Variants in CSMD2 observed in about 807,000 individuals in gnomAD.
CSMD2 encodes the protein CUB and Sushi multiple domains 2.
A neutral mutation model predicts 398.5 loss-of-function variants in CSMD2; 130 were observed. The observed-to-expected ratio is 0.33, with a 90% confidence interval of 0.28 to 0.38. The LOEUF (loss-of-function observed/expected upper bound fraction) is 0.38. Among genes scored for constraint, CSMD2 ranks in the 10% least tolerant of loss-of-function variants. CSMD2 has a pLI of 1.00. For missense variants in CSMD2, 3,829 were observed against 4,764.9 expected (o/e 0.80, Z 5.78); for synonymous variants, 1,828 against 1,908.5 (o/e 0.96, Z 1.10).
rs994113582 is a variant in CSMD2 at position 33,519,003 on chromosome 1, G to C, written c.*53+462C>G. On this transcript the variant is annotated intron_variant, in intron 70 of 70. Transcript: ENST00000373381. This position sits in a 1 kb window ranked among gnomAD's most constrained non-coding sequence, Gnocchi z 5.6. Reference sequence around the variant, plus strand: ...TATACACAGATATATGTGCATCTCTGTATAGCTCTACAGATCTCCAGGGCT... The same window carrying C: ...TATACACAGATATATGTGCATCTCTCTATAGCTCTACAGATCTCCAGGGCT... Among the ~76,000 whole-genome samples the C allele has an allele frequency of 2.6e-5, 4 of 151,998 alleles. No homozygotes were observed. Among genetic ancestry groups the C allele is most frequent in the Admixed American group, 1.3e-4 (2 of 15,266 alleles).
chr1:33,961,061 G>A (rs781362208), intron 3 of CSMD2, among the ~76,000 whole-genome samples: 27 of 152,178 alleles, frequency 1.8e-4, no homozygotes, highest in Middle Eastern at 3.2e-3. Flanking sequence ...CCATCAATGC[G>A]CTACAGCGCA....
At chr1:33,902,819 G>C (rs1386674503) in intron 5 of CSMD2, among the ~76,000 whole-genome samples, 1 of 152,182 alleles carries the variant, frequency 6.6e-6, no homozygotes, top group South Asian at 2.1e-4. Context: ...AGAGTGGGAA[G>C]CCTGTTCATC....
intron 15 of CSMD2, among the ~76,000 whole-genome samples, chr1:33,727,197 G>A: frequency 6.6e-6 from 1 of 152,214 alleles, no homozygotes; most frequent in East Asian, 1.9e-4. Context: ...ATTGAGCATG[G>A]TGCTTGGCAC....
intron 5 of CSMD2, among the ~76,000 whole-genome samples, chr1:33,908,716 T>G (rs60395894): frequency 1.3e-5 from 2 of 152,254 alleles, no homozygotes; most frequent in African/African-American, 4.8e-5. Flanking sequence ...GGAAGTCACA[T>G]TGATACTCCA....
intron 1 of CSMD2, among the ~76,000 whole-genome samples, chr1:34,104,838 T>C (rs773847970): frequency 7.2e-5 from 11 of 152,200 alleles, no homozygotes; most frequent in Non-Finnish European, 1.3e-4. Context: ...TCATTAGGGA[T>C]GCTGGCACTG....
chr1:33,638,402 C>G (rs946826632), intron 29 of CSMD2, among the ~76,000 whole-genome samples: 2 of 152,222 alleles, frequency 1.3e-5, no homozygotes, highest in African/African-American at 4.8e-5. Context: ...AAAGTTCACA[C>G]AGCTCATAAG....
At chr1:33,785,502 C>A (rs1310584114) in intron 12 of CSMD2, among the ~76,000 whole-genome samples, 1 of 152,220 alleles carries the variant, frequency 6.6e-6, no homozygotes, top group Admixed American at 6.5e-5. Flanking sequence ...CCCTCTGAGT[C>A]TCAGATTCTT....
chr1:33,698,972 G>A (rs1339453537), intron 23 of CSMD2, 28 bp from the exon 24 acceptor site: 1 of 1,585,972 alleles, frequency 6.3e-7, no homozygotes. Flanking sequence ...GGTAGAGTGA[G>A]TAAGACCTAT....
chr1:33,696,939 T>A (rs1414130231), intron 24 of CSMD2, among the ~76,000 whole-genome samples: 1 of 152,330 alleles, frequency 6.6e-6, no homozygotes, highest in African/African-American at 2.4e-5. Context: ...TAGACCATGA[T>A]GAAGTCGACC....
At position 33,810,755 on chromosome 1, in the gene CSMD2, G is replaced by C. The variant is rs763770638; in HGVS notation, c.1434C>G (p.Leu478=). The C allele has an allele frequency of 6.2e-7, 1 of 1,613,242 alleles. No homozygotes were observed. Among genetic ancestry groups the C allele is most frequent in the Non-Finnish European group, 8.5e-7 (1 of 1,179,654 alleles). The change falls in exon 10 of 71, where the codon CTC becomes CTG. Residue 478 remains leucine, a synonymous_variant. Transcript: ENST00000373381. ...CCAAGAGGCTTACCTTGGAGGGGTT[G>C]AGTGCTGTGATGATCCACACACAGT... is the stretch of plus-strand genomic sequence containing the variant. ...NAHCVWIITA[L]NPSKVIKLAF... is the part of the protein sequence containing the mutation.
At position 34,156,778 on chromosome 1, in the gene CSMD2, TAGC is replaced by T. The variant is rs540119966; in HGVS notation, c.187+8130_187+8132del. ...AATTTAACTATACATACATTATTTT[TAGC>T]ATCATAAAAGTTCCTTATAATAATG... On this transcript the variant is annotated intron_variant, in intron 1 of 70. Coordinates refer to ENST00000373381, the MANE Select transcript of CSMD2 (RefSeq NM_001281956.2). Among the ~76,000 whole-genome samples the T allele has an allele frequency of 6.6e-5, 10 of 152,342 alleles. No individual in the cohort carries two copies. In the East Asian group the frequency reaches 1.9e-3, roughly 29 times the overall value.
At chr1:34,128,133 T>TTC (rs3044853) in intron 1 of CSMD2, among the ~76,000 whole-genome samples, 59,399 of 151,724 alleles carry the variant, frequency 0.39, 12,226 homozygotes, top group East Asian at 0.68. Flanking sequence ...AGGGGTGTCC[T>TTC]TCCTCCCACA....
chr1:34,133,898 G>A (rs1397383422), intron 1 of CSMD2, among the ~76,000 whole-genome samples: 2 of 151,618 alleles, frequency 1.3e-5, no homozygotes, highest in African/African-American at 4.9e-5. Context: ...GTGAAATCCC[G>A]TCTCTACTAA....
At chr1:34,078,204 G>A (rs1656656993) in intron 2 of CSMD2, among the ~76,000 whole-genome samples, 1 of 152,006 alleles carries the variant, frequency 6.6e-6, no homozygotes, top group Non-Finnish European at 1.5e-5. Flanking sequence ...ATCTGCTGCA[G>A]GCCTCTTGGT....
At chr1:33,920,033 T>C (rs1047142028) in intron 4 of CSMD2, among the ~76,000 whole-genome samples, 1 of 152,092 alleles carries the variant, frequency 6.6e-6, no homozygotes, top group African/African-American at 2.4e-5. Context: ...AAATGGGCTA[T>C]CTGGTGTTGG....
At chr1:33,623,614 G>T in intron 35 of CSMD2, 148 bp from the exon 36 acceptor site, 1 of 614,404 alleles carries the variant, frequency 1.6e-6, no homozygotes. Flanking sequence ...TTCAATAAAA[G>T]TAAGATGCAG....
chr1:33,541,930 G>C (rs1436575155), intron 58 of CSMD2, among the ~76,000 whole-genome samples: 1 of 152,160 alleles, frequency 6.6e-6, no homozygotes, highest in Admixed American at 6.5e-5. Context: ...AGGCCCAACA[G>C]CACCTACACA....
At chr1:33,535,707 C>T (rs1337036602) in intron 62 of CSMD2, among the ~76,000 whole-genome samples, 11 of 152,192 alleles carry the variant, frequency 7.2e-5, no homozygotes, top group Admixed American at 1.3e-4. Flanking sequence ...TCCTCCCTCA[C>T]GGGGCTGCAG....
chr1:33,750,720 G>A (rs574163311), intron 13 of CSMD2, among the ~76,000 whole-genome samples: 3 of 152,238 alleles, frequency 2.0e-5, no homozygotes, highest in Non-Finnish European at 4.4e-5. Flanking sequence ...GAAATTAGCA[G>A]AGAGAGGGTT....
Sources: gnomAD v4.1 joint callset for allele counts (sites outside exome capture counted in the v4.1 genomes callset) on GRCh38, gnomAD v4.1.1 for gene constraint, Gnocchi (gnomAD v3.1) non-coding constraint, MANE v1.5 for transcripts, NCBI Gene and HGNC (gene_info 2026-07-23, HGNC 2026-07-21) for gene names.